Variants in ZDHHC2 observed in about 807,000 individuals in gnomAD.
ZDHHC2 encodes zDHHC palmitoyltransferase 2.
ZDHHC2 carries 51 observed loss-of-function variants against 55.6 expected under a neutral mutation model. The ratio of observed to expected loss-of-function variants is 0.92; its 90% CI spans 0.73 to 1.16. The LOEUF is 1.16. Ranked by LOEUF, ZDHHC2 falls within the 50% of genes most tolerant of loss-of-function variation. The pLI is 0.00. For missense variants in ZDHHC2, 491 were observed against 442.4 expected (o/e 1.11, Z -0.99); for synonymous variants, 199 against 152.9 (o/e 1.30, Z -2.22).
chr8:17,217,291 CTAA>C, intron 12 of ZDHHC2, 45 bp downstream of exon 12: 1 of 1,369,680 alleles, frequency 7.3e-7, no homozygotes, highest in Non-Finnish European at 1.0e-6. Flanking sequence ...TAACAGTCTT[CTAA>C]TTTTATTAGG....
intron 1 of ZDHHC2, among the ~76,000 whole-genome samples, chr8:17,180,953 G>T (rs1219475063): frequency 6.6e-6 from 1 of 152,206 alleles, no homozygotes. Flanking sequence ...GTTGAAGCCA[G>T]TATCTCCCTC....
rs1563161772 is a variant in ZDHHC2 at position 17,199,627 on chromosome 8, T to TCG, written c.476+1214_476+1215insCG. On this transcript the variant is annotated intron_variant, in intron 6 of 12. Transcript: ENST00000262096. ...ATTCTTTCTTCTTCTTCTTCTTCCT[T>TCG]TCTTCTTCTTCTCCTCCTCCTCCTC... is the stretch of plus-strand genomic sequence containing the variant. Among the ~76,000 whole-genome samples, 73 of 90,070 alleles carry TCG rather than the reference T, an allele frequency of 8.1e-4. 2 individuals are homozygous for TCG. The highest frequency in any genetic ancestry group is 6.0e-3 in the Middle Eastern group (1 of 168). 59.1% of individuals were successfully genotyped at this position (90,070 alleles called of 152,430 possible).
At chr8:17,178,986 T>C (rs75097874) in intron 1 of ZDHHC2, among the ~76,000 whole-genome samples, 11,398 of 152,254 alleles carry the variant, frequency 0.075, 481 homozygotes, top group Middle Eastern at 0.11. Flanking sequence ...GGTCACGCTC[T>C]GTTGCCCAGG....
At position 17,220,919 on chromosome 8, in the gene ZDHHC2, A is replaced by G. The variant is rs983732624; in HGVS notation, c.*698A>G. The G allele has an allele frequency of 3.3e-5, 5 of 152,188 alleles. No individual in the cohort carries two copies. Among genetic ancestry groups the G allele is most frequent in the African/African-American group, 1.2e-4 (5 of 41,460 alleles). 9.4% of individuals were successfully genotyped at this position (152,188 alleles called of 1,614,324 possible). A position where few individuals can be genotyped will look rare whatever the true frequency, so the allele number is the denominator to read the frequency against. On this transcript the variant is annotated 3_prime_UTR_variant, in exon 13 of 13. Coordinates refer to ENST00000262096, the MANE Select transcript of ZDHHC2 (RefSeq NM_016353.5). ...TTGGCTGGAATACTTTTGTCAGAAT[A>G]CGGTACATTTCTATTACATCAGAAA... is the stretch of plus-strand genomic sequence containing the variant.
At chr8:17,158,914 C>G (rs1294976047) in intron 1 of ZDHHC2, among the ~76,000 whole-genome samples, 1 of 152,214 alleles carries the variant, frequency 6.6e-6, no homozygotes, top group Non-Finnish European at 1.5e-5. Flanking sequence ...GGCACTATCT[C>G]CTAGGTTTTC....
At chr8:17,215,463 CTTCTA>C (rs1807605273) in intron 11 of ZDHHC2, 114 bp downstream of exon 11, 2 of 808,110 alleles carry the variant, frequency 2.5e-6, no homozygotes, top group Non-Finnish European at 4.0e-6. Context: ...TGGAGTCAGA[CTTCTA>C]TTCTAAATTC....
rs1805709140 is a variant in ZDHHC2, at chr8:17,186,341, G to A, written c.168G>A (p.Leu56=). 2 of 1,594,588 alleles carry A rather than the reference G, an allele frequency of 1.3e-6. No individual in the cohort carries two copies. Residue 56 remains leucine (L), a synonymous_variant, in exon 3 of 13, where the codon CTG becomes CTA. Coordinates refer to ENST00000262096, the MANE Select transcript of ZDHHC2 (RefSeq NM_016353.5). Reference sequence around the variant, plus strand: ...TTTTTCTCATTTTAGTTGTGTGCCTGATGGCCTATCATCTACTTTTTGCAA... The same window carrying A: ...TTTTTCTCATTTTAGTTGTGTGCCTAATGGCCTATCATCTACTTTTTGCAA... ...MENTGEQVVC[L]MAYHLLFAMF...
chr8:17,199,715 C>T (rs1275923895), intron 6 of ZDHHC2, among the ~76,000 whole-genome samples: 38 of 146,964 alleles, frequency 2.6e-4, no homozygotes, highest in African/African-American at 8.2e-4. Flanking sequence ...CTTCTTTCTT[C>T]TTCCTTCTTT....
At chr8:17,193,719 G>C (rs1172733404) in intron 3 of ZDHHC2, among the ~76,000 whole-genome samples, 1 of 152,196 alleles carries the variant, frequency 6.6e-6, no homozygotes, top group Non-Finnish European at 1.5e-5. Context: ...TTGGTATTCA[G>C]AGTGTACCTG....
At chr8:17,189,200 C>G (rs1396301738) in intron 3 of ZDHHC2, among the ~76,000 whole-genome samples, 1 of 134,220 alleles carries the variant, frequency 7.5e-6, no homozygotes, top group Non-Finnish European at 1.5e-5. Context: ...TTTCAAAAGA[C>G]AAGGCAAATC....
intron 5 of ZDHHC2, among the ~76,000 whole-genome samples, 186 bp downstream of exon 5, chr8:17,197,837 G>A (rs1472763990): frequency 6.6e-6 from 1 of 152,134 alleles, no homozygotes; most frequent in African/African-American, 2.4e-5. Context: ...ACAGTCAAGT[G>A]TCAATTTGCC....
At chr8:17,219,252 TAAAAAAAAAAAAA>T (rs71212684) in intron 12 of ZDHHC2, among the ~76,000 whole-genome samples, 1 of 49,550 alleles carries the variant, frequency 2.0e-5, no homozygotes, top group Non-Finnish European at 3.3e-5. Flanking sequence ...AGCAAGACTC[TAAAAAAAAAAAAA>T]AAAAAAAAAA....
Position 17,156,853 on chromosome 8 carries a change from G to C in ZDHHC2, c.130G>C (p.Val44Leu). The change falls in exon 1 of 13, where the codon GTG becomes CTG. Residue 44 changes from valine (V) to leucine (L), a missense_variant and splice_region_variant. Coordinates refer to ENST00000262096, the MANE Select transcript of ZDHHC2 (RefSeq NM_016353.5). ...YYAYAIQLCI[V>L]SMENTGEQVV... is the part of the protein sequence containing the mutation. ...CGCCTACGCCATCCAGCTGTGCATA[G>C]GTGAGTGCGCCCCCCGCCGCGGCGC... The C allele has an allele frequency of 6.7e-6, 10 of 1,498,062 alleles. No individual in the cohort carries two copies. Among genetic ancestry groups the C allele is most frequent in the Non-Finnish European group, 8.9e-6 (10 of 1,122,448 alleles). 92.8% of individuals were successfully genotyped at this position (1,498,062 alleles called of 1,614,324 possible).
chr8:17,173,543 C>T (rs1563143807), intron 1 of ZDHHC2, among the ~76,000 whole-genome samples: 2 of 151,344 alleles, frequency 1.3e-5, no homozygotes, highest in Admixed American at 6.6e-5. Context: ...ATTAGGAGGG[C>T]ATGGTGGCAC....
At chr8:17,188,403 A>G (rs548854370) in intron 3 of ZDHHC2, among the ~76,000 whole-genome samples, 2 of 152,278 alleles carry the variant, frequency 1.3e-5, no homozygotes, top group South Asian at 4.1e-4. Context: ...TTCTGACTTT[A>G]TACTTTATAC....
chr8:17,176,783 T>C (rs1001889549), intron 1 of ZDHHC2, among the ~76,000 whole-genome samples: 16 of 151,188 alleles, frequency 1.1e-4, no homozygotes, highest in African/African-American at 2.9e-4. Context: ...TTTTGAGTTA[T>C]CAATAAAATC....
Position 17,224,254 on chromosome 8 carries a change from G to GA in ZDHHC2, c.*4038dup, listed in dbSNP as rs1808034306. 6.6e-6 allele frequency: 1 copy of GA among 151,654 alleles called. No individual in the cohort carries two copies. Among genetic ancestry groups the GA allele is most frequent in the Non-Finnish European group, 1.5e-5 (1 of 67,680 alleles). The allele number at this position is 151,654 out of a possible 1,614,324, so 9.4% of individuals were successfully genotyped here. A position where few individuals can be genotyped will look rare whatever the true frequency, so the allele number is the denominator to read the frequency against. ...AAAGTGAGGGCAAAAACAAACTGGT[G>GA]AAAAATGTTCAAAAATAGATCTTTT... On this transcript the variant is annotated 3_prime_UTR_variant, in exon 13 of 13. Coordinates refer to ENST00000262096, the MANE Select transcript of ZDHHC2 (RefSeq NM_016353.5).
chr8:17,204,978 C>T (rs888643760), intron 6 of ZDHHC2, among the ~76,000 whole-genome samples: 5 of 152,116 alleles, frequency 3.3e-5, no homozygotes, highest in Non-Finnish European at 7.3e-5. Flanking sequence ...TTATAAATTT[C>T]CATATTTGGA....
intron 2 of ZDHHC2, among the ~76,000 whole-genome samples, chr8:17,185,633 C>A (rs764214524): frequency 1.1e-4 from 16 of 152,076 alleles, no homozygotes; most frequent in Non-Finnish European, 2.2e-4. Context: ...GCACTCCAGC[C>A]TGGGCGACAG....
Sources: gnomAD v4.1 joint callset for allele counts (sites outside exome capture counted in the v4.1 genomes callset) on GRCh38, gnomAD v4.1.1 for gene constraint, MANE v1.5 for transcripts, NCBI Gene and HGNC (gene_info 2026-07-23, HGNC 2026-07-21) for gene names.